RAB8B: variants seen among roughly 807,000 people sequenced by gnomAD.
RAB8B encodes RAB8B, member RAS oncogene family.
In RAB8B, 11 loss-of-function variants were observed where a neutral mutation model predicts 32.0. The observed-to-expected ratio is 0.34, with a 90% CI of 0.22 to 0.57. The LOEUF (loss-of-function observed/expected upper bound fraction) is 0.57. Ranked by LOEUF, RAB8B falls within the 20% of genes least tolerant of loss-of-function variation. The pLI, the probability that RAB8B is intolerant of heterozygous loss-of-function variation, is 0.86. For missense variants in RAB8B, 190 were observed against 258.5 expected, an observed-to-expected ratio of 0.73 and a Z score of 1.82; for synonymous variants, 103 against 89.6, an observed-to-expected ratio of 1.15 and a Z score of -0.85.
At chr15:63,258,288 G>A (rs1005524196) in intron 5 of RAB8B, among the ~76,000 whole-genome samples, 1 of 151,922 alleles carries the variant, frequency 6.6e-6, no homozygotes, top group Non-Finnish European at 1.5e-5. Flanking sequence ...TTTTAGTACA[G>A]ACGGGGTTTC....
At chr15:63,224,083 A>G (rs1025519233) in intron 1 of RAB8B, 1 of 162,350 alleles carries the variant, frequency 6.2e-6, no homozygotes, top group South Asian at 1.7e-4. Flanking sequence ...CTTATAAACT[A>G]TCAAGCTTTA....
intron 1 of RAB8B, among the ~76,000 whole-genome samples, chr15:63,208,315 A>C (rs974755156): frequency 6.6e-6 from 1 of 152,330 alleles, no homozygotes; most frequent in East Asian, 1.9e-4. Flanking sequence ...ATGAGAAGAA[A>C]TACAATTTTT....
At chr15:63,215,993 G>A (rs1387782791) in intron 1 of RAB8B, among the ~76,000 whole-genome samples, 2 of 151,882 alleles carry the variant, frequency 1.3e-5, no homozygotes, top group Non-Finnish European at 2.9e-5. Context: ...AGCCTTGTTT[G>A]TGTCACTGCA....
At chr15:63,244,076 T>A (rs35703701) in intron 1 of RAB8B, among the ~76,000 whole-genome samples, 16,549 of 152,214 alleles carry the variant, frequency 0.11, 934 homozygotes, top group Middle Eastern at 0.16. Flanking sequence ...GTACTTAGTA[T>A]CTCTAAGGTC....
At chr15:63,256,452 A>G in intron 4 of RAB8B, 53 bp from the exon 5 acceptor site, 1 of 1,308,992 alleles carries the variant, frequency 7.6e-7, no homozygotes, top group Non-Finnish European at 1.1e-6. Flanking sequence ...TTGTCTATTA[A>G]GTAACGGGTT....
At chr15:63,249,932 C>T (rs987412905) in intron 3 of RAB8B, among the ~76,000 whole-genome samples, 6 of 151,304 alleles carry the variant, frequency 4.0e-5, no homozygotes, top group African/African-American at 4.9e-5. Context: ...GTCAGGAGAT[C>T]GAGACCATCC....
chr15:63,189,841 G>C (rs948284184), intron 1 of RAB8B, 93 bp downstream of exon 1: 30 of 1,377,786 alleles, frequency 2.2e-5, no homozygotes, highest in Admixed American at 2.2e-4. Context: ...GGGAGCCCGG[G>C]AGAGGAGACC....
intron 1 of RAB8B, among the ~76,000 whole-genome samples, chr15:63,239,364 C>T (rs1029316606): frequency 2.6e-5 from 4 of 151,190 alleles, no homozygotes; most frequent in African/African-American, 9.7e-5. Context: ...TAAGATTTCT[C>T]AGCATCCTGA....
At chr15:63,261,351 G>T (rs886461529) in intron 6 of RAB8B, among the ~76,000 whole-genome samples, 3 of 152,236 alleles carry the variant, frequency 2.0e-5, no homozygotes, top group Non-Finnish European at 2.9e-5. Flanking sequence ...AGCCACTATG[G>T]AGAACAATAA....
chr15:63,208,914 G>A (rs1215508332), intron 1 of RAB8B, among the ~76,000 whole-genome samples: 1 of 148,630 alleles, frequency 6.7e-6, no homozygotes, highest in African/African-American at 2.5e-5. Flanking sequence ...TTTTTTTGAG[G>A]GGGAGTCTCC....
chr15:63,252,871 C>T (rs2038128537), intron 3 of RAB8B, among the ~76,000 whole-genome samples: 1 of 151,994 alleles, frequency 6.6e-6, no homozygotes, highest in South Asian at 2.1e-4. Flanking sequence ...GCCTCAGCCT[C>T]CCTAGTAGCT....
intron 1 of RAB8B, among the ~76,000 whole-genome samples, chr15:63,209,989 G>C (rs1365696272): frequency 6.6e-6 from 1 of 152,070 alleles, no homozygotes; most frequent in Admixed American, 6.5e-5. Flanking sequence ...TTATGAGAGA[G>C]AACATGCAGT....
chr15:63,208,021 G>T (rs1343443923), intron 1 of RAB8B, among the ~76,000 whole-genome samples: 1 of 152,070 alleles, frequency 6.6e-6, no homozygotes, highest in Admixed American at 6.6e-5. Context: ...CGTCCTTCCC[G>T]AATTCCATTC....
chr15:63,200,766 G>A (rs1194535079), intron 1 of RAB8B, among the ~76,000 whole-genome samples: 1 of 152,222 alleles, frequency 6.6e-6, no homozygotes, highest in Admixed American at 6.5e-5. Context: ...TAGAGGCATC[G>A]GGGTTGCCCA....
chr15:63,220,245 T>A (rs1354553648), intron 1 of RAB8B, among the ~76,000 whole-genome samples: 1 of 152,258 alleles, frequency 6.6e-6, no homozygotes, highest in East Asian at 1.9e-4. Flanking sequence ...TTTCGTTCTA[T>A]TTCATTTCTC....
intron 1 of RAB8B, among the ~76,000 whole-genome samples, chr15:63,204,764 A>G (rs2037683964): frequency 6.6e-6 from 1 of 152,234 alleles, no homozygotes; most frequent in South Asian, 2.1e-4. Context: ...ACATGCTGTT[A>G]GTTTCTTTTT....
rs1253914147 is a variant in RAB8B, at chr15:63,221,644, G to A, written c.125-23112G>A. Among the ~76,000 whole-genome samples, 7 of 152,218 alleles carry A rather than the reference G, an allele frequency of 4.6e-5. No individual in the cohort carries two copies. In the East Asian group the frequency reaches 9.7e-4, roughly 21 times the overall value. ...GTCCTGGCCAGGGCTCATCTCCACC[G>A]CTAGCTGGGGATCCCACCACATAGC... On this transcript the variant is annotated intron_variant, in intron 1 of 7. Coordinates refer to ENST00000321437, the MANE Select transcript of RAB8B (RefSeq NM_016530.3).
chr15:63,205,418 A>T (rs1384939917), intron 1 of RAB8B, among the ~76,000 whole-genome samples: 7 of 152,214 alleles, frequency 4.6e-5, no homozygotes, highest in Admixed American at 4.6e-4. Context: ...GGATTACTTG[A>T]GCCCAGGAGG....
intron 3 of RAB8B, among the ~76,000 whole-genome samples, chr15:63,254,249 T>G (rs1281720048): frequency 6.6e-6 from 1 of 152,204 alleles, no homozygotes; most frequent in African/African-American, 2.4e-5. Flanking sequence ...GGCTTTAATG[T>G]CATTTCCTCA....
Sources: allele counts gnomAD v4.1 joint callset (sites outside exome capture counted in the v4.1 genomes callset), GRCh38; gene constraint gnomAD v4.1.1; transcripts MANE v1.5; gene names NCBI Gene and HGNC (gene_info 2026-07-23, HGNC 2026-07-21).